SFXN5: variants seen among roughly 807,000 people sequenced by gnomAD.
SFXN5 encodes the protein sideroflexin 5.
In SFXN5, 43 loss-of-function variants were observed where a neutral mutation model predicts 50.2. The ratio of observed to expected loss-of-function variants is 0.86; its 90% confidence interval spans 0.67 to 1.11. SFXN5 has a LOEUF of 1.11. SFXN5 is among the 50% of genes least tolerant of loss of function. The pLI is 0.00. For synonymous variants in SFXN5, 203 were observed against 185.8 expected, an observed-to-expected ratio of 1.09 and a Z score of -0.75; for missense variants, 463 against 454.1, an observed-to-expected ratio of 1.02 and a Z score of -0.18.
intron 6 of SFXN5, among the ~76,000 whole-genome samples, chr2:73,005,053 AC>A (rs1674446596): frequency 6.6e-6 from 1 of 152,088 alleles, no homozygotes. Context: ...AGTGGATTGC[AC>A]CTCTTCCAAG....
intron 6 of SFXN5, among the ~76,000 whole-genome samples, chr2:73,016,985 C>T (rs950302563): frequency 6.6e-6 from 1 of 152,106 alleles, no homozygotes; most frequent in African/African-American, 2.4e-5. Context: ...AGCTGCACTG[C>T]CCAGCATGGT....
Position 72,961,977 on chromosome 2 carries a change from G to A in SFXN5, c.828-729C>T, listed in dbSNP as rs577456966. Among the ~76,000 whole-genome samples, 2 of 152,356 alleles carry A rather than the reference G, an allele frequency of 1.3e-5. No individual in the cohort carries two copies. Among genetic ancestry groups the A allele is most frequent in the African/African-American group, 4.8e-5 (2 of 41,582 alleles). ...CACCCTCTTCCCATGGCTGGCTTCG[G>A]AGCTGGTTTCCTGGGCAGGGGAGGG... On this transcript the variant is annotated intron_variant, in intron 12 of 13. Coordinates refer to ENST00000272433, the MANE Select transcript of SFXN5 (RefSeq NM_144579.3). The surrounding 1 kb of genome is among the most constrained non-coding windows in gnomAD (Gnocchi z 4.4).
chr2:73,027,349 T>C (rs890441971), intron 3 of SFXN5, among the ~76,000 whole-genome samples: 2 of 152,122 alleles, frequency 1.3e-5, no homozygotes, highest in African/African-American at 2.4e-5. Context: ...TAGACAAGAA[T>C]TTTTTTGTAC....
rs1673582014 is a variant in SFXN5, at chr2:72,998,960, C to T, written c.523G>A (p.Val175Ile). Residue 175 changes from valine (V) to isoleucine (I), a missense_variant, in exon 9 of 14, where the codon GTC becomes ATC. Val to Ile is a conservative substitution (Grantham distance 29). Transcript: ENST00000272433. ...GAGGGAGTACTCACAGCAATGGAGA[C>T]GGCGCTGATGACAGCTCCCAGGTAT... is the stretch of plus-strand genomic sequence containing the variant. The part of the protein sequence containing the change: ...QGYLGAVISA[V>I]SIAVGLNVLV... 5 of 1,613,974 alleles carry T rather than the reference C, an allele frequency of 3.1e-6. No homozygotes were observed. Among genetic ancestry groups the T allele is most frequent in the African/African-American group, 1.3e-5 (1 of 74,940 alleles).
chr2:73,005,182 G>T (rs1394388991), intron 6 of SFXN5, among the ~76,000 whole-genome samples: 2 of 152,222 alleles, frequency 1.3e-5, no homozygotes, highest in Non-Finnish European at 2.9e-5. Context: ...TTCTAGCCCA[G>T]CCTCCACCCT....
chr2:72,957,781 CAAACAGGGCTCA>C (rs1673273304), intron 13 of SFXN5, among the ~76,000 whole-genome samples: 1 of 152,226 alleles, frequency 6.6e-6, no homozygotes, highest in Non-Finnish European at 1.5e-5. Context: ...CCATGGGTCC[CAAACAGGGCTCA>C]AAACACCCCA....
rs755833989 is a variant in SFXN5, at chr2:72,961,358, G to A, written c.828-110C>T. ...CTCTGGGCCCAGGAAGCGTGGTTCC[G>A]GGGCAGTGCCAGTGTGCAGCTAAAC... On this transcript the variant is annotated intron_variant, in intron 12 of 13. Transcript: ENST00000272433. The surrounding 1 kb of genome is among the most constrained non-coding windows in gnomAD (Gnocchi z 4.4). 157 of 654,622 alleles carry A rather than the reference G, an allele frequency of 2.4e-4. No individual in the cohort carries two copies. Among genetic ancestry groups the A allele is most frequent in the Non-Finnish European group, 3.5e-4 (140 of 405,640 alleles). 40.6% of individuals were successfully genotyped at this position (654,622 alleles called of 1,614,324 possible). A position where few individuals can be genotyped will look rare whatever the true frequency, so the allele number is the denominator to read the frequency against.
Position 72,960,479 on chromosome 2 carries a change from G to C in SFXN5, c.945+652C>G, listed in dbSNP as rs1673596036. 6.6e-6 allele frequency among the ~76,000 whole-genome samples: 1 copy of C among 152,020 alleles called. No individual in the cohort carries two copies. The highest frequency in any genetic ancestry group is 1.5e-5 in the Non-Finnish European group (1 of 68,000). ...CTGGTCCAAGCCGCCATCACCGCTT[G>C]CTGGATGCCCGCCACAGGCTCCTGA... is the stretch of plus-strand genomic sequence containing the variant. On this transcript the variant is annotated intron_variant, in intron 13 of 13. Transcript: ENST00000272433. This position sits in a 1 kb window ranked among gnomAD's most constrained non-coding sequence, Gnocchi z 6.1.
intron 3 of SFXN5, among the ~76,000 whole-genome samples, chr2:73,028,633 CA>C (rs1371045033): frequency 7.9e-5 from 12 of 152,122 alleles, no homozygotes; most frequent in Admixed American, 7.2e-4. Flanking sequence ...GTTTTTTGAA[CA>C]AGGGTCTTGC....
At chr2:72,974,732 C>G (rs560250921) in intron 10 of SFXN5, among the ~76,000 whole-genome samples, 1 of 152,246 alleles carries the variant, frequency 6.6e-6, no homozygotes, top group Admixed American at 6.5e-5. Context: ...GAGCTCATCC[C>G]AAACTTTCAA....
chr2:73,035,775 C>T (rs972418664), intron 3 of SFXN5, among the ~76,000 whole-genome samples: 11 of 152,150 alleles, frequency 7.2e-5, no homozygotes, highest in African/African-American at 2.2e-4. Context: ...GCTGGGATTA[C>T]AGGTGTGAGA....
At chr2:72,974,174 T>C (rs1283841831) in intron 10 of SFXN5, among the ~76,000 whole-genome samples, 9 of 152,184 alleles carry the variant, frequency 5.9e-5, no homozygotes, top group African/African-American at 2.2e-4. Context: ...CCTGTGCCCA[T>C]GCCAAGTCAG....
At chr2:73,023,959 C>G (rs1323998354) in intron 3 of SFXN5, among the ~76,000 whole-genome samples, 1 of 152,158 alleles carries the variant, frequency 6.6e-6, no homozygotes, top group Non-Finnish European at 1.5e-5. Context: ...TGCATTGAAT[C>G]TAAGACACCA....
intron 13 of SFXN5, chr2:72,957,006 T>G: frequency 2.2e-6 from 1 of 456,782 alleles, no homozygotes; most frequent in South Asian, 1.5e-5. Flanking sequence ...CCCTCCTCTT[T>G]GAATCGCCCA....
chr2:73,021,255 G>A lies in SFXN5; in HGVS notation c.332-991C>T, dbSNP rs192863747. Among the ~76,000 whole-genome samples the A allele has an allele frequency of 2.6e-3, 391 of 152,282 alleles. 6 individuals carry two copies. Among genetic ancestry groups the A allele is most frequent in the African/African-American group, 9.0e-3 (373 of 41,564 alleles). On this transcript the variant is annotated intron_variant, in intron 5 of 13. Coordinates refer to ENST00000272433, the MANE Select transcript of SFXN5 (RefSeq NM_144579.3). ...CCCAGCACTTTGGGAGGCCAAAGCAGGCGGATCACTTGAGGTCAGGAGTTC... is the reference window on the plus strand; with the variant it reads ...CCCAGCACTTTGGGAGGCCAAAGCAAGCGGATCACTTGAGGTCAGGAGTTC...
intron 13 of SFXN5, among the ~76,000 whole-genome samples, chr2:72,956,568 C>A (rs570430833): frequency 1.8e-4 from 28 of 152,276 alleles, no homozygotes; most frequent in Non-Finnish European, 3.5e-4. Context: ...GGGTACAAAG[C>A]CTGCTCCATC....
At chr2:73,027,647 G>A (rs1296655283) in intron 3 of SFXN5, among the ~76,000 whole-genome samples, 1 of 151,954 alleles carries the variant, frequency 6.6e-6, no homozygotes, top group Non-Finnish European at 1.5e-5. Context: ...CTATGAAGGT[G>A]TATCATTTTT....
intron 3 of SFXN5, among the ~76,000 whole-genome samples, chr2:73,035,457 T>C (rs1215729252): frequency 6.6e-6 from 1 of 152,156 alleles, no homozygotes; most frequent in Non-Finnish European, 1.5e-5. Context: ...CATTTTTATT[T>C]TGTCCTCAGA....
chr2:72,951,629 AT>A (rs1361445874), intron 13 of SFXN5, among the ~76,000 whole-genome samples: 1 of 139,578 alleles, frequency 7.2e-6, no homozygotes, highest in Non-Finnish European at 1.5e-5. Context: ...CCTGTGCCCC[AT>A]TCTTGGGGGC....
Sources: gnomAD v4.1 joint callset for allele counts (sites outside exome capture counted in the v4.1 genomes callset) on GRCh38, gnomAD v4.1.1 for gene constraint, Gnocchi (gnomAD v3.1) non-coding constraint, MANE v1.5 for transcripts, NCBI Gene and HGNC (gene_info 2026-07-23, HGNC 2026-07-21) for gene names.